TAOK3: variants seen among roughly 807,000 people sequenced by gnomAD.
TAOK3 encodes serine/threonine-protein kinase TAO3.
Under a neutral mutation model 120.4 loss-of-function variants are expected in TAOK3, and 40 were observed. That is an observed-to-expected ratio of 0.33 (90% confidence interval 0.26 to 0.43). The LOEUF is 0.43. Ranked by LOEUF, TAOK3 falls within the 20% of genes least tolerant of loss-of-function variation. The probability of loss-of-function intolerance (pLI) is 1.00; values close to 1 mark genes in which losing one functional copy is unlikely to be tolerated. For missense variants in TAOK3, 821 were observed against 1,112.1 expected, an observed-to-expected ratio of 0.74 and a Z score of 3.72; for synonymous variants, 355 against 387.5, an observed-to-expected ratio of 0.92 and a Z score of 0.99.
intron 17 of TAOK3, among the ~76,000 whole-genome samples, chr12:118,169,003 T>TCC (rs1477746007): frequency 6.4e-4 from 84 of 131,396 alleles, no homozygotes; most frequent in African/African-American, 1.8e-3. Flanking sequence ...CTTCCTTCCT[T>TCC]TCTTTCTTTC....
chr12:118,210,782 C>T (rs142901738), intron 11 of TAOK3, among the ~76,000 whole-genome samples: 144 of 150,672 alleles, frequency 9.6e-4, no homozygotes, highest in Non-Finnish European at 1.8e-3. Context: ...TCTGTTGCCC[C>T]GGCTGGAGAG....
chr12:118,153,935 C>T (rs1274201337), intron 19 of TAOK3, among the ~76,000 whole-genome samples: 1 of 152,116 alleles, frequency 6.6e-6, no homozygotes, highest in Non-Finnish European at 1.5e-5. Context: ...AAGGTACCTT[C>T]TAAAAATTAA....
intron 16 of TAOK3, 129 bp from the exon 17 acceptor site, chr12:118,172,789 A>G (rs1452781738): frequency 1.2e-6 from 1 of 807,016 alleles, no homozygotes; most frequent in African/African-American, 1.7e-5. Flanking sequence ...TTAGTGTTGC[A>G]CATCCTTCCC....
At chr12:118,159,495 G>A (rs960574744) in intron 19 of TAOK3, among the ~76,000 whole-genome samples, 1 of 152,040 alleles carries the variant, frequency 6.6e-6, no homozygotes, top group African/African-American at 2.4e-5. Flanking sequence ...TAGAGATGGG[G>A]TTTCACCATG....
At chr12:118,268,079 C>G (rs2041538329) in intron 1 of TAOK3, among the ~76,000 whole-genome samples, 2 of 152,108 alleles carry the variant, frequency 1.3e-5, no homozygotes, top group Admixed American at 6.6e-5. Context: ...TTTGCCATAT[C>G]ACCAAATACT....
At chr12:118,217,656 C>G (rs918811350) in intron 9 of TAOK3, among the ~76,000 whole-genome samples, 8 of 149,304 alleles carry the variant, frequency 5.4e-5, no homozygotes, top group Admixed American at 2.0e-4. Flanking sequence ...TGCACTCCAG[C>G]CTGAGTGATG....
intron 1 of TAOK3, among the ~76,000 whole-genome samples, chr12:118,320,555 A>G (rs1224898917): frequency 1.3e-5 from 2 of 152,202 alleles, no homozygotes; most frequent in African/African-American, 4.8e-5. Context: ...AACATTTTAC[A>G]AACAAAATAA....
chr12:118,335,041 A>G (rs1013653431), intron 1 of TAOK3, among the ~76,000 whole-genome samples: 1 of 151,842 alleles, frequency 6.6e-6, no homozygotes, highest in South Asian at 2.1e-4. Context: ...GTAGCCAGGC[A>G]TGGTGTGGTG....
chr12:118,231,884 C>A (rs1311103073), intron 9 of TAOK3, among the ~76,000 whole-genome samples: 1 of 149,620 alleles, frequency 6.7e-6, no homozygotes, highest in Non-Finnish European at 1.5e-5. Flanking sequence ...GATTGCACTG[C>A]TGCAATGCAG....
At chr12:118,285,693 T>C (rs952886592) in intron 1 of TAOK3, among the ~76,000 whole-genome samples, 7 of 152,220 alleles carry the variant, frequency 4.6e-5, no homozygotes, top group Non-Finnish European at 2.9e-5. Flanking sequence ...TATTCTCTTG[T>C]GAACCCAGAA....
chr12:118,255,429 G>C lies in TAOK3; in HGVS notation c.120+19C>G, dbSNP rs774799599. The C allele has an allele frequency of 5.6e-6, 9 of 1,613,338 alleles. No individual in the cohort carries two copies. The South Asian group carries it at 8.8e-5, about 16-fold the overall frequency. On this transcript the variant is annotated intron_variant, in intron 3 of 20. Coordinates refer to ENST00000392533, the MANE Select transcript of TAOK3 (RefSeq NM_016281.4). ...CTTTCTTAATCTGATCTATCTAAAAGACTCTTTTAAGTACTTACAAAATAA... is the reference window on the plus strand; with the variant it reads ...CTTTCTTAATCTGATCTATCTAAAACACTCTTTTAAGTACTTACAAAATAA...
At chr12:118,223,887 A>G (rs1342008732) in intron 9 of TAOK3, among the ~76,000 whole-genome samples, 1 of 152,078 alleles carries the variant, frequency 6.6e-6, no homozygotes, top group East Asian at 1.9e-4. Context: ...TGATCTGCCC[A>G]CTTTGGCCTC....
intron 17 of TAOK3, among the ~76,000 whole-genome samples, chr12:118,166,183 A>G (rs1460930295): frequency 1.3e-5 from 2 of 152,192 alleles, no homozygotes; most frequent in African/African-American, 4.8e-5. Context: ...CACAACTTCT[A>G]TAAAGAGAAC....
rs145773753 is a variant in TAOK3 at position 118,201,441 on chromosome 12, C to T, written c.842G>A (p.Arg281Gln). 44 of 1,609,634 alleles carry T rather than the reference C, an allele frequency of 2.7e-5. No homozygotes were observed. Among genetic ancestry groups the T allele is most frequent in the African/African-American group, 1.6e-4 (12 of 74,626 alleles). ...LLRHDFVRRD[R>Q]PLRVLIDLIQ... The stretch of plus-strand genomic sequence containing the variant: ...GAGGTCAATGAGGACACGTAGTGGC[C>T]GGTCTCGTCGAACAAAGTCATGCTG... The change falls in exon 12 of 21, where the codon CGG becomes CAG. Residue 281 changes from arginine to glutamine, a missense_variant. Arg to Gln is a conservative substitution (Grantham distance 43). Around this residue, in one of 2 missense-constraint regions of TAOK3, gnomAD observed 467 missense variants for 540.0 expected, o/e 0.86. Coordinates refer to ENST00000392533, the MANE Select transcript of TAOK3 (RefSeq NM_016281.4).
chr12:118,289,876 T>A (rs1251241568), intron 1 of TAOK3, among the ~76,000 whole-genome samples: 1 of 151,632 alleles, frequency 6.6e-6, no homozygotes, highest in East Asian at 1.9e-4. Flanking sequence ...GCGCCTGTAA[T>A]CCCAGCTCCT....
Position 118,172,479 on chromosome 12 carries a change from A to C in TAOK3, c.1877T>G (p.Val626Gly). Residue 626 changes from valine to glycine, a missense_variant, in exon 17 of 21, where the codon GTG (valine) becomes GGG (glycine). Coordinates refer to ENST00000392533, the MANE Select transcript of TAOK3 (RefSeq NM_016281.4). ...TACCTCCCGAATGTTCTGCTGCTCC[A>C]CCTCGTGCCGCTTGATCATTATTTT... Reference protein sequence around the residue: ...KRKIMIKRHEVEQQNIREELN... With the variant: ...KRKIMIKRHEGEQQNIREELN... 6.2e-7 allele frequency: 1 copy of C among 1,614,014 alleles called. No homozygotes were observed. Among genetic ancestry groups the C allele is most frequent in the Non-Finnish European group, 8.5e-7 (1 of 1,180,004 alleles).
chr12:118,297,249 G>T (rs1386267460), intron 1 of TAOK3: 1 of 152,176 alleles, frequency 6.6e-6, no homozygotes. Flanking sequence ...AAGAGGTTTT[G>T]AAACCCCAGA....
intron 7 of TAOK3, 40 bp downstream of exon 7, chr12:118,238,033 C>G: frequency 7.3e-7 from 1 of 1,371,936 alleles, no homozygotes; most frequent in East Asian, 2.3e-5. Context: ...AATAGACAGT[C>G]CTGCAACTGA....
chr12:118,229,500 A>G (rs577938755), intron 9 of TAOK3, among the ~76,000 whole-genome samples: 1 of 152,256 alleles, frequency 6.6e-6, no homozygotes, highest in South Asian at 2.1e-4. Flanking sequence ...CCTAGTCCAT[A>G]GCTTGTCTTT....
Sources: allele counts gnomAD v4.1 joint callset (sites outside exome capture counted in the v4.1 genomes callset), GRCh38; gene constraint gnomAD v4.1.1; regional missense constraint gnomAD v4.1.1; transcripts MANE v1.5; gene names NCBI Gene and HGNC (gene_info 2026-07-23, HGNC 2026-07-21).